The following OLFML1 variants were observed in gnomAD, a reference collection of about 807,000 sequenced individuals.
OLFML1 encodes the protein olfactomedin-like protein 1.
OLFML1 carries 33 observed loss-of-function variants against 37.3 expected under a neutral mutation model. The observed-to-expected ratio is 0.88, with a 90% CI of 0.67 to 1.18. The LOEUF is 1.18. OLFML1 is among the 50% of genes most tolerant of loss of function. OLFML1 has a pLI of 0.00. For missense variants in OLFML1, 545 were observed against 483.7 expected (o/e 1.13, Z -1.19); for synonymous variants, 186 against 181.3 (o/e 1.03, Z -0.21).
Position 7,509,667 on chromosome 11 carries a change from CA to C in OLFML1, c.690del (p.Ala231GlnfsTer6), listed in dbSNP as rs768802749. On this transcript the variant is annotated frameshift_variant, in exon 3 of 3. Coordinates refer to ENST00000329293, the MANE Select transcript of OLFML1 (RefSeq NM_198474.4). LOFTEE classifies it high-confidence loss of function. ...IYKGFLFFHN[Q>X]ATSNEIIKYN... is the part of the protein sequence containing the mutation. ...CAAAGGTTTTCTATTTTTTCATAACCAAGCAACTTCTAATGAGATAATCAAA... is the reference window on the plus strand; with the variant it reads ...CAAAGGTTTTCTATTTTTTCATAACCAGCAACTTCTAATGAGATAATCAAA... 46 of 1,614,172 alleles carry C rather than the reference CA, an allele frequency of 2.8e-5. No homozygotes were observed. In the African/African-American group the frequency reaches 5.7e-4, roughly 20 times the overall value.
chr11:7,492,164 T>C (rs914960708), intron 2 of OLFML1, among the ~76,000 whole-genome samples: 2 of 152,190 alleles, frequency 1.3e-5, no homozygotes, highest in Admixed American at 6.5e-5. Flanking sequence ...CACAATGCTT[T>C]AGTCTGATAG....
chr11:7,495,690 G>A (rs1848653884), intron 2 of OLFML1, among the ~76,000 whole-genome samples: 1 of 152,084 alleles, frequency 6.6e-6, no homozygotes, highest in South Asian at 2.1e-4. Context: ...CTGACCTGAA[G>A]GAATCGTTTA....
In OLFML1 at chr11:7,509,935, C is replaced by G; in HGVS notation, c.956C>G (p.Ala319Gly). The change falls in exon 3 of 3, where the codon GCC becomes GGC. Residue 319 changes from alanine (A) to glycine (G), a missense_variant. By Grantham distance (60) the Ala-to-Gly change is moderately conservative. Transcript: ENST00000329293. Reference sequence around the variant, plus strand: ...CCATGCAGAAGCCAGGATGCTGAAGCCTCATTCCTCTTGTGTGGGGTTCTC... The same window carrying G: ...CCATGCAGAAGCCAGGATGCTGAAGGCTCATTCCTCTTGTGTGGGGTTCTC... ...DTPCRSQDAEASFLLCGVLYV... is the reference protein window; with the variant it reads ...DTPCRSQDAEGSFLLCGVLYV... 1 of 1,614,238 alleles carries G rather than the reference C, an allele frequency of 6.2e-7. No individual in the cohort carries two copies.
At chr11:7,504,260 T>A (rs1490971316) in intron 2 of OLFML1, among the ~76,000 whole-genome samples, 1 of 151,984 alleles carries the variant, frequency 6.6e-6, no homozygotes, top group African/African-American at 2.4e-5. Flanking sequence ...GTGTGTTTGG[T>A]ACAATCTGAG....
chr11:7,509,291 G>C, intron 2 of OLFML1, 107 bp from the exon 3 acceptor site: 1 of 798,666 alleles, frequency 1.3e-6, no homozygotes, highest in South Asian at 1.7e-5. Flanking sequence ...TTCCCCATCA[G>C]TATTAGACCT....
Position 7,510,483 on chromosome 11 carries a change from G to T in OLFML1, c.*295G>T. The T allele has an allele frequency of 3.4e-6, 1 of 290,268 alleles. No homozygotes were observed. The highest frequency in any genetic ancestry group is 6.5e-6 in the Non-Finnish European group (1 of 154,364). The allele number at this position is 290,268 out of a possible 1,614,324, so 18.0% of individuals were successfully genotyped here. On this transcript the variant is annotated 3_prime_UTR_variant, in exon 3 of 3. Transcript: ENST00000329293. The stretch of plus-strand genomic sequence containing the variant: ...CCTACTTCAAGCCTTTTGTTTTACT[G>T]CTCCCCAGCATTTACTGTAACTCTG...
At chr11:7,498,424 T>A (rs1479558027) in intron 2 of OLFML1, among the ~76,000 whole-genome samples, 1 of 152,194 alleles carries the variant, frequency 6.6e-6, no homozygotes, top group Non-Finnish European at 1.5e-5. Context: ...AGGAAGTTGA[T>A]CAAGCACTCT....
intron 2 of OLFML1, among the ~76,000 whole-genome samples, chr11:7,496,104 T>A (rs1486546553): frequency 6.6e-6 from 1 of 152,228 alleles, no homozygotes; most frequent in East Asian, 1.9e-4. Flanking sequence ...AGTGGCACGT[T>A]GCCTAGGAAC....
intron 2 of OLFML1, among the ~76,000 whole-genome samples, chr11:7,504,459 C>T (rs1394370148): frequency 6.6e-6 from 1 of 152,018 alleles, no homozygotes; most frequent in Non-Finnish European, 1.5e-5. Context: ...CAAGCAGACA[C>T]AGGACATGAT....
Position 7,485,947 on chromosome 11 carries a change from G to A in OLFML1, c.72G>A (p.Gln24=). ...TTGCAGCTTTTCTGCCCCCGCCGCA[G>A]TGTACCCAGGACCCAGCCATGGTGC... ...LFLAAFLPPP[Q]CTQDPAMVHY... Residue 24 remains glutamine, a synonymous_variant, in exon 1 of 3, where the codon CAG becomes CAA. Coordinates refer to ENST00000329293, the MANE Select transcript of OLFML1 (RefSeq NM_198474.4). The A allele has an allele frequency of 1.9e-6, 3 of 1,614,072 alleles. 1 individual carries two copies. The South Asian group carries it at 3.3e-5, about 18-fold the overall frequency.
intron 2 of OLFML1, among the ~76,000 whole-genome samples, chr11:7,506,034 A>G (rs1444532721): frequency 6.6e-6 from 1 of 152,174 alleles, no homozygotes; most frequent in African/African-American, 2.4e-5. Flanking sequence ...ATAAAGAATA[A>G]TTTCTATGGA....
intron 2 of OLFML1, among the ~76,000 whole-genome samples, chr11:7,506,883 G>A (rs775877507): frequency 6.6e-6 from 1 of 152,208 alleles, no homozygotes; most frequent in South Asian, 2.1e-4. Context: ...CATGAGCAAA[G>A]GAGTGAGCAA....
At position 7,509,683 on chromosome 11, in the gene OLFML1, A is replaced by G; in HGVS notation, c.704A>G (p.Glu235Gly). 2 of 1,614,234 alleles carry G rather than the reference A, an allele frequency of 1.2e-6. No individual in the cohort carries two copies. Among genetic ancestry groups the G allele is most frequent in the Non-Finnish European group, 1.7e-6 (2 of 1,180,042 alleles). ...TTTCATAACCAAGCAACTTCTAATG[A>G]GATAATCAAATATAACCTGCAGAAG... ...LFFHNQATSN[E>G]IIKYNLQKRT... The change falls in exon 3 of 3, where the codon GAG (glutamate) becomes GGG (glycine). Residue 235 changes from glutamate to glycine, a missense_variant. Glu to Gly is a moderately conservative substitution (Grantham distance 98). Transcript: ENST00000329293.
chr11:7,505,227 C>G (rs1302040382), intron 2 of OLFML1, among the ~76,000 whole-genome samples: 1 of 151,806 alleles, frequency 6.6e-6, no homozygotes, highest in South Asian at 2.1e-4. Context: ...AGCCACGGTG[C>G]CTGGTCCACA....
intron 2 of OLFML1, among the ~76,000 whole-genome samples, chr11:7,505,803 CCTGT>C (rs1460638676): frequency 3.3e-5 from 5 of 151,718 alleles, no homozygotes; most frequent in Non-Finnish European, 1.5e-5. Context: ...TGCACTCTAG[CCTGT>C]CTAATAGAGT....
chr11:7,487,982 A>C, intron 1 of OLFML1, 145 bp from the exon 2 acceptor site: 1 of 610,824 alleles, frequency 1.6e-6, no homozygotes, highest in South Asian at 2.2e-5. Flanking sequence ...CTACCTTTGA[A>C]TTTAGGAATT....
rs1165236134 is a variant in OLFML1 at position 7,510,059 on chromosome 11, C to T, written c.1080C>T (p.Phe360=). The part of the protein sequence containing the change: ...TISEEDLPNL[F]FPKRPRSHSM... ...GTGAGGAGGACTTGCCCAACTTGTT[C>T]TTCCCCAAGAGACCAAGAAGTCACT... is the stretch of plus-strand genomic sequence containing the variant. The change falls in exon 3 of 3, where the codon TTC becomes TTT. Residue 360 remains phenylalanine, a synonymous_variant. Coordinates refer to ENST00000329293, the MANE Select transcript of OLFML1 (RefSeq NM_198474.4). 6.2e-7 allele frequency: 1 copy of T among 1,614,140 alleles called. No individual in the cohort carries two copies. Among genetic ancestry groups the T allele is most frequent in the East Asian group, 2.2e-5 (1 of 44,906 alleles).
At chr11:7,494,857 T>C (rs1335860837) in intron 2 of OLFML1, among the ~76,000 whole-genome samples, 3 of 152,158 alleles carry the variant, frequency 2.0e-5, no homozygotes, top group African/African-American at 7.2e-5. Context: ...ACCATGTTAG[T>C]TTTCTATTTG....
chr11:7,485,675 C>G lies in OLFML1; in HGVS notation c.-201C>G, dbSNP rs1848511604. The G allele has an allele frequency of 1.0e-5, 6 of 585,074 alleles. No individual in the cohort carries two copies. The Admixed American group carries it at 1.8e-4, about 18-fold the overall frequency. 36.2% of individuals were successfully genotyped at this position (585,074 alleles called of 1,614,324 possible). On this transcript the variant is annotated 5_prime_UTR_variant, in exon 1 of 3. Transcript: ENST00000329293. ...GCCTCAGGGACCAACTTGCCAACAG[C>G]TGGACTTGATCACTAGCTGGCAAAC...
Sources: allele counts gnomAD v4.1 joint callset (sites outside exome capture counted in the v4.1 genomes callset), GRCh38; gene constraint gnomAD v4.1.1; transcripts MANE v1.5; gene names NCBI Gene and HGNC (gene_info 2026-07-23, HGNC 2026-07-21).